Variants in SKIC3 observed in about 807,000 individuals in gnomAD.
SKIC3 encodes the protein SKI3 subunit of superkiller complex, also known as superkiller complex protein 3.
chr5:95,541,798 C>G, the SKIC3 span: 474 of 1,561,708 alleles, frequency 3.0e-4, 8 homozygotes, highest in South Asian at 5.1e-3. Flanking sequence ...ACTGGACTTT[C>G]CTCATACATT....
At chr5:95,508,023 T>C in the SKIC3 span, among the ~76,000 whole-genome samples, 1 of 152,190 alleles carries the variant, frequency 6.6e-6, no homozygotes, top group Non-Finnish European at 1.5e-5. Context: ...TTATACAGTT[T>C]ACTGGTAAGT....
At chr5:95,513,502 T>C in the SKIC3 span, 21 of 1,529,002 alleles carry the variant, frequency 1.4e-5, no homozygotes, top group East Asian at 2.3e-5. Flanking sequence ...CCAATATCTA[T>C]TCATTCCCTT....
chr5:95,548,577 T>G, the SKIC3 span: 69 of 152,148 alleles, frequency 4.5e-4, no homozygotes, highest in African/African-American at 1.5e-3. Flanking sequence ...GAAATTATCT[T>G]GGTATATATT....
the SKIC3 span, chr5:95,529,391 C>A: frequency 2.3e-6 from 1 of 441,926 alleles, no homozygotes; most frequent in Non-Finnish European, 4.2e-6. Context: ...AAAGACAAAT[C>A]AGATTATAAA....
the SKIC3 span, among the ~76,000 whole-genome samples, chr5:95,535,458 C>T: frequency 1.3e-5 from 2 of 151,672 alleles, no homozygotes; most frequent in African/African-American, 4.8e-5. Context: ...TTACAGGCGC[C>T]CGCCACCGCG....
the SKIC3 span, chr5:95,484,771 G>C: frequency 1.9e-6 from 3 of 1,614,092 alleles, no homozygotes; most frequent in East Asian, 6.7e-5. Flanking sequence ...GTGTCTATTA[G>C]ACCAGTGACA....
At chr5:95,554,207 T>C in the SKIC3 span, among the ~76,000 whole-genome samples, 2 of 152,128 alleles carry the variant, frequency 1.3e-5, no homozygotes, top group African/African-American at 4.8e-5. Flanking sequence ...TTACTACAAT[T>C]ATCTTAGGCA....
chr5:95,523,835 C>G, the SKIC3 span: 1 of 1,612,284 alleles, frequency 6.2e-7, no homozygotes, highest in Non-Finnish European at 8.5e-7. Flanking sequence ...GTCTTGCAGC[C>G]TTTGAAATAA....
chr5:95,492,682 A>C, the SKIC3 span, among the ~76,000 whole-genome samples: 2 of 140,412 alleles, frequency 1.4e-5, no homozygotes, highest in Admixed American at 7.2e-5. Context: ...AAAAAAAAAA[A>C]AAAAAAACAA....
the SKIC3 span, chr5:95,523,673 A>C: frequency 6.2e-7 from 1 of 1,613,582 alleles, no homozygotes; most frequent in Non-Finnish European, 8.5e-7. Context: ...CAAGCTCCAC[A>C]CTTAGGTCAA....
At chr5:95,524,735 T>G in the SKIC3 span, 1 of 1,146,614 alleles carries the variant, frequency 8.7e-7, no homozygotes, top group Non-Finnish European at 1.2e-6. Flanking sequence ...ACTTTAGGAT[T>G]TATATTATCA....
chr5:95,489,242 C>T, the SKIC3 span, among the ~76,000 whole-genome samples: 1 of 151,496 alleles, frequency 6.6e-6, no homozygotes, highest in African/African-American at 2.4e-5. Flanking sequence ...AGTTTGAGGT[C>T]AGTCTGGGCA....
chr5:95,548,670 CA>C, the SKIC3 span: 1 of 151,720 alleles, frequency 6.6e-6, no homozygotes, highest in African/African-American at 2.4e-5. Flanking sequence ...GCTGATTTCA[CA>C]ATTTTCTCAA....
the SKIC3 span, chr5:95,521,358 A>G: frequency 1.3e-5 from 2 of 153,842 alleles, no homozygotes; most frequent in Admixed American, 6.5e-5. Flanking sequence ...CATATACAAT[A>G]TACTATTTAT....
the SKIC3 span, among the ~76,000 whole-genome samples, chr5:95,520,537 T>C: frequency 6.7e-6 from 1 of 148,608 alleles, no homozygotes; most frequent in East Asian, 2.0e-4. Flanking sequence ...ATTATATCTG[T>C]TTCCCCAAGT....
the SKIC3 span, chr5:95,506,899 A>T: frequency 3.1e-5 from 50 of 1,603,258 alleles, no homozygotes; most frequent in Non-Finnish European, 4.1e-5. Context: ...AAATACAATC[A>T]ATTGACAGAA....
chr5:95,537,288 T>C, the SKIC3 span: 4 of 743,466 alleles, frequency 5.4e-6, no homozygotes, highest in Non-Finnish European at 8.8e-6. Context: ...AGGAAAAAAA[T>C]GTACATGTAA....
chr5:95,545,850 C>A, the SKIC3 span, among the ~76,000 whole-genome samples: 2 of 152,110 alleles, frequency 1.3e-5, no homozygotes, highest in Non-Finnish European at 2.9e-5. Context: ...ATGTTGATAT[C>A]CCGTTGAACA....
the SKIC3 span, chr5:95,541,329 A>C: frequency 6.2e-7 from 1 of 1,613,828 alleles, no homozygotes; most frequent in Non-Finnish European, 8.5e-7. Context: ...TTTCTTGGTA[A>C]TATAGATCCA....
Sources: gnomAD v4.1 joint callset for allele counts (sites outside exome capture counted in the v4.1 genomes callset) on GRCh38, gnomAD v4.1.1 for gene constraint, MANE v1.5 for transcripts, NCBI Gene and HGNC (gene_info 2026-07-23, HGNC 2026-07-21) for gene names.